The following NRP1 variants were observed in gnomAD, a reference collection of about 807,000 sequenced individuals.
NRP1 encodes neuropilin 1.
A neutral mutation model predicts 106.7 loss-of-function variants in NRP1; 35 were observed. The observed-to-expected ratio is 0.33, with a 90% CI of 0.25 to 0.43. The LOEUF is 0.43. Ranked by LOEUF, NRP1 falls within the 20% of genes least tolerant of loss-of-function variation. The pLI is 1.00. For missense variants in NRP1, 1,024 were observed against 1,170.4 expected (o/e 0.87, Z 1.83); for synonymous variants, 437 against 417.9 (o/e 1.05, Z -0.56).
chr10:33,243,536 G>A lies in NRP1; in HGVS notation c.981+10492C>T, dbSNP rs187096164. Among the ~76,000 whole-genome samples the A allele has an allele frequency of 1.1e-4, 16 of 152,308 alleles. No homozygotes were observed. The East Asian group carries it at 2.9e-3, about 28-fold the overall frequency. On this transcript the variant is annotated intron_variant, in intron 6 of 16. Transcript: ENST00000374867. ...TTTCTAGATCCAAAATATGTAGTTA[G>A]AAGTTTAAAGCATTGGAATTGTAGG... is the stretch of plus-strand genomic sequence containing the variant.
intron 10 of NRP1, chr10:33,206,420 G>T (rs571348280): frequency 2.2e-6 from 1 of 461,162 alleles, no homozygotes; most frequent in Non-Finnish European, 4.4e-6. Flanking sequence ...AAGAATAGGA[G>T]AAAATGGCCT....
In NRP1 at chr10:33,221,726, C is replaced by G; in HGVS notation, c.1275G>C (p.Lys425Asn). The change falls in exon 8 of 17, where the codon AAG becomes AAC. Residue 425 changes from lysine to asparagine, a missense_variant. Coordinates refer to ENST00000374867, the MANE Select transcript of NRP1 (RefSeq NM_003873.7). The stretch of plus-strand genomic sequence containing the variant: ...CAATCTTCCACAGCTTACCTGTTAT[C>G]TTGCAACCGTATACTTCAAATCTCA... ...ISMRFEVYGC[K>N]ITDYPCSGML... is the part of the protein sequence containing the mutation. 1 of 1,613,696 alleles carries G rather than the reference C, an allele frequency of 6.2e-7. No individual in the cohort carries two copies. Among genetic ancestry groups the G allele is most frequent in the South Asian group, 1.1e-5 (1 of 91,062 alleles).
At chr10:33,247,281 C>T (rs1841494859) in intron 6 of NRP1, among the ~76,000 whole-genome samples, 1 of 151,820 alleles carries the variant, frequency 6.6e-6, no homozygotes, top group South Asian at 2.1e-4. Context: ...TCCAAGGGCT[C>T]ATAAGTTATT....
intron 7 of NRP1, among the ~76,000 whole-genome samples, chr10:33,225,879 T>G (rs1839624326): frequency 6.6e-6 from 1 of 152,232 alleles, no homozygotes; most frequent in Admixed American, 6.5e-5. Context: ...ATGGGGGGCT[T>G]ACAGCAATTC....
intron 2 of NRP1, among the ~76,000 whole-genome samples, chr10:33,314,005 T>TTTCC (rs201011214): frequency 1.7e-4 from 13 of 75,998 alleles, no homozygotes; most frequent in African/African-American, 4.3e-4. Flanking sequence ...CTCCTTTCGT[T>TTTCC]TTCCTTCCTT....
In NRP1 at chr10:33,256,418, A is replaced by T; in HGVS notation, c.712T>A (p.Ser238Thr). The change falls in exon 5 of 17, where the codon TCC (serine) becomes ACC (threonine). Residue 238 changes from serine to threonine, a missense_variant. Coordinates refer to ENST00000374867, the MANE Select transcript of NRP1 (RefSeq NM_003873.7). Reference sequence around the variant, plus strand: ...ACCATGGAGAGAATGCCCGATGAGGATCGGATTCGACCTGGTGTTTTCTGT... The same window carrying T: ...ACCATGGAGAGAATGCCCGATGAGGTTCGGATTCGACCTGGTGTTTTCTGT... ...CGQKTPGRIR[S>T]SSGILSMVFY... The T allele has an allele frequency of 6.2e-7, 1 of 1,614,218 alleles. No individual in the cohort carries two copies. The highest frequency in any genetic ancestry group is 8.5e-7 in the Non-Finnish European group (1 of 1,180,028).
intron 6 of NRP1, among the ~76,000 whole-genome samples, chr10:33,234,226 A>G (rs1208098379): frequency 6.6e-6 from 1 of 152,180 alleles, no homozygotes; most frequent in Non-Finnish European, 1.5e-5. Context: ...ACAATCATAC[A>G]AGGGACATTT....
chr10:33,325,762 C>T (rs912548577), intron 2 of NRP1, among the ~76,000 whole-genome samples: 3 of 152,114 alleles, frequency 2.0e-5, no homozygotes, highest in African/African-American at 7.2e-5. Context: ...AAACTTCTTA[C>T]GAAGTTACAA....
intron 6 of NRP1, among the ~76,000 whole-genome samples, chr10:33,239,287 C>CA (rs112414592): frequency 0.19 from 27,977 of 144,216 alleles, 2,711 homozygotes; most frequent in Admixed American, 0.29. Context: ...GACCCTGTCT[C>CA]AAAAAAAAAA....
intron 6 of NRP1, among the ~76,000 whole-genome samples, chr10:33,235,466 G>A (rs534537318): frequency 5.9e-5 from 9 of 152,248 alleles, no homozygotes; most frequent in Admixed American, 2.6e-4. Flanking sequence ...TGAGAGCAAC[G>A]CACGGAACTG....
chr10:33,232,638 CTTT>C (rs71030049), intron 6 of NRP1, among the ~76,000 whole-genome samples: 2 of 94,204 alleles, frequency 2.1e-5, no homozygotes, highest in Non-Finnish European at 4.0e-5. Flanking sequence ...TTTTCTTTTC[CTTT>C]TTTTTTTTTT....
At chr10:33,216,156 G>A (rs1044941291) in intron 8 of NRP1, among the ~76,000 whole-genome samples, 1 of 57,512 alleles carries the variant, frequency 1.7e-5, no homozygotes, top group Non-Finnish European at 3.6e-5. Context: ...TTTTTTTTTT[G>A]AGAAGGAGTC....
At chr10:33,317,828 T>C (rs1170499885) in intron 2 of NRP1, among the ~76,000 whole-genome samples, 1 of 152,216 alleles carries the variant, frequency 6.6e-6, no homozygotes, top group African/African-American at 2.4e-5. Context: ...ACTTAACTGG[T>C]CAACTTACTA....
At chr10:33,324,783 G>T (rs779037490) in intron 2 of NRP1, among the ~76,000 whole-genome samples, 1 of 152,062 alleles carries the variant, frequency 6.6e-6, no homozygotes, top group Non-Finnish European at 1.5e-5. Flanking sequence ...GACTACAGGC[G>T]TGCACCACCT....
intron 9 of NRP1, among the ~76,000 whole-genome samples, chr10:33,209,358 C>G (rs1402446843): frequency 6.6e-6 from 1 of 152,248 alleles, no homozygotes; most frequent in African/African-American, 2.4e-5. Context: ...TGCCCCATGG[C>G]CATACACACA....
intron 2 of NRP1, among the ~76,000 whole-genome samples, chr10:33,325,986 C>T (rs781309415): frequency 6.6e-5 from 10 of 152,140 alleles, no homozygotes; most frequent in Non-Finnish European, 8.8e-5. Context: ...CCAATGCTAC[C>T]ACCTTTTTAG....
chr10:33,300,705 G>A (rs1845742210), intron 2 of NRP1, among the ~76,000 whole-genome samples: 1 of 152,200 alleles, frequency 6.6e-6, no homozygotes, highest in Admixed American at 6.5e-5. Context: ...CCTTTGGAGA[G>A]GCTAGTCAGA....
intron 7 of NRP1, among the ~76,000 whole-genome samples, chr10:33,225,877 C>T (rs2132937932): frequency 6.6e-6 from 1 of 152,332 alleles, no homozygotes; most frequent in Admixed American, 6.5e-5. Flanking sequence ...CCATGGGGGG[C>T]TTACAGCAAT....
chr10:33,203,586 G>A (rs888055583), intron 10 of NRP1, among the ~76,000 whole-genome samples: 1 of 152,096 alleles, frequency 6.6e-6, no homozygotes, highest in Non-Finnish European at 1.5e-5. Context: ...TCCAGGGCAG[G>A]TGTGTGAGAG....
Sources: gnomAD v4.1 joint callset for allele counts (sites outside exome capture counted in the v4.1 genomes callset) on GRCh38, gnomAD v4.1.1 for gene constraint, MANE v1.5 for transcripts, NCBI Gene and HGNC (gene_info 2026-07-23, HGNC 2026-07-21) for gene names.